TLE4: variants seen among roughly 807,000 people sequenced by gnomAD.
The protein encoded by TLE4 is transducin-like enhancer protein 4.
Under a neutral mutation model 92.8 loss-of-function variants are expected in TLE4, and 8 were observed. The ratio of observed to expected loss-of-function variants is 0.09; its 90% CI spans 0.05 to 0.16. The LOEUF (loss-of-function observed/expected upper bound fraction) is 0.16. Ranked by LOEUF, TLE4 falls within the 10% of genes least tolerant of loss-of-function variation. The pLI is 1.00. For missense variants in TLE4, 675 were observed against 997.6 expected (o/e 0.68, Z 4.36); for synonymous variants, 371 against 374.1 (o/e 0.99, Z 0.10).
intron 8 of TLE4, among the ~76,000 whole-genome samples, chr9:79,702,585 A>T (rs1321485972): frequency 6.6e-6 from 1 of 152,190 alleles, no homozygotes; most frequent in Non-Finnish European, 1.5e-5. Context: ...TTTGGCTCGT[A>T]ATGTTTTGTG....
chr9:79,722,155 C>G (rs2136272802), intron 17 of TLE4, among the ~76,000 whole-genome samples: 1 of 152,022 alleles, frequency 6.6e-6, no homozygotes, highest in African/African-American at 2.4e-5. Flanking sequence ...CAGAGCAAGA[C>G]TCTGTCTGAA....
At chr9:79,646,516 A>G (rs2058123673) in intron 6 of TLE4, among the ~76,000 whole-genome samples, 1 of 152,220 alleles carries the variant, frequency 6.6e-6, no homozygotes, top group Non-Finnish European at 1.5e-5. Flanking sequence ...TTATTTTAGC[A>G]GAGAAAAAGG....
chr9:79,682,429 C>T (rs1218533243), intron 8 of TLE4, among the ~76,000 whole-genome samples: 1 of 152,108 alleles, frequency 6.6e-6, no homozygotes, highest in African/African-American at 2.4e-5. Flanking sequence ...TTTCCAAGTC[C>T]AGCCTTGGAA....
At chr9:79,663,335 G>A (rs1453699953) in intron 8 of TLE4, 1 of 152,198 alleles carries the variant, frequency 6.6e-6, no homozygotes, top group African/African-American at 2.4e-5. Context: ...GTCACATGAA[G>A]CTATTTAAAG....
chr9:79,697,059 T>G (rs2068454290), intron 8 of TLE4, among the ~76,000 whole-genome samples: 1 of 152,116 alleles, frequency 6.6e-6, no homozygotes, highest in Non-Finnish European at 1.5e-5. Context: ...CTGAAAAAAA[T>G]AATTCCAGAA....
chr9:79,685,689 G>C (rs908266071), intron 8 of TLE4, among the ~76,000 whole-genome samples: 1 of 152,096 alleles, frequency 6.6e-6, no homozygotes, highest in African/African-American at 2.4e-5. Flanking sequence ...TAACTCATTT[G>C]GATTGAACAG....
Position 79,677,659 on chromosome 9 carries a change from C to T in TLE4, c.609+23584C>T, listed in dbSNP as rs3902071. Among the ~76,000 whole-genome samples, 1,117 of 121,134 alleles carry T rather than the reference C, an allele frequency of 9.2e-3. 5 individuals are homozygous for T. The highest frequency in any genetic ancestry group is 0.013 in the Non-Finnish European group (761 of 57,816). The allele number at this position is 121,134 out of a possible 152,430, so 79.5% of individuals were successfully genotyped here. On this transcript the variant is annotated intron_variant, in intron 8 of 19. Transcript: ENST00000376552. Reference sequence around the variant, plus strand: ...TTCTGCGTTTTGAATTGTGTATAATCTGAGATGGATTCAATTTTTTTTCTT... The same window carrying T: ...TTCTGCGTTTTGAATTGTGTATAATTTGAGATGGATTCAATTTTTTTTCTT...
At chr9:79,681,336 G>GT (rs1484979101) in intron 8 of TLE4, among the ~76,000 whole-genome samples, 2 of 151,976 alleles carry the variant, frequency 1.3e-5, no homozygotes, top group African/African-American at 2.4e-5. Flanking sequence ...ACGTTATTTT[G>GT]TTTTTTATGT....
At chr9:79,696,851 C>T (rs895029061) in intron 8 of TLE4, among the ~76,000 whole-genome samples, 5 of 152,116 alleles carry the variant, frequency 3.3e-5, no homozygotes, top group African/African-American at 4.8e-5. Flanking sequence ...AAAAACAGAG[C>T]ACAGTGCAGG....
chr9:79,618,610 A>T (rs1410999786), intron 5 of TLE4, among the ~76,000 whole-genome samples: 1 of 151,888 alleles, frequency 6.6e-6, no homozygotes, highest in African/African-American at 2.4e-5. Flanking sequence ...GCCAAGGAGG[A>T]TGGACATTTT....
At chr9:79,655,978 C>G (rs537947328) in intron 8 of TLE4, among the ~76,000 whole-genome samples, 1 of 152,178 alleles carries the variant, frequency 6.6e-6, no homozygotes, top group East Asian at 1.9e-4. Context: ...TCAGGGTGAG[C>G]CTGGAAATGA....
intron 8 of TLE4, among the ~76,000 whole-genome samples, chr9:79,691,089 T>G (rs1466146045): frequency 3.9e-5 from 6 of 152,174 alleles, no homozygotes; most frequent in Non-Finnish European, 8.8e-5. Flanking sequence ...TCCTAATGTC[T>G]CAGATTCATC....
intron 6 of TLE4, among the ~76,000 whole-genome samples, chr9:79,636,345 CTTTT>C (rs568402955): frequency 8.1e-4 from 124 of 152,226 alleles, no homozygotes; most frequent in African/African-American, 2.6e-3. Flanking sequence ...ATGGCTGCCC[CTTTT>C]ATTTAGAAAA....
chr9:79,600,096 A>T (rs1237007720), intron 4 of TLE4, among the ~76,000 whole-genome samples: 1 of 152,238 alleles, frequency 6.6e-6, no homozygotes, highest in African/African-American at 2.4e-5. Context: ...GCAGTAATGC[A>T]TTCGTGGTTT....
Position 79,709,671 on chromosome 9 carries a change from A to G in TLE4, c.1312A>G (p.Asn438Asp), listed in dbSNP as rs2072713783. The change falls in exon 14 of 20, where the codon AAC becomes GAC. Residue 438 changes from asparagine to aspartate, a missense_variant. Physicochemically the swap from Asn to Asp is conservative, Grantham distance 23. This residue lies in a region of TLE4 where 119 missense variants were observed against 175.9 expected (regional missense o/e 0.68). Transcript: ENST00000376552. ...CATGCGTGTGCCAGCAATACCTCCA[A>G]ACCTGACAGGCATTCCAGGAGGAAA... ...HHMRVPAIPP[N>D]LTGIPGGKPA... is the part of the protein sequence containing the mutation. 2 of 1,614,172 alleles carry G rather than the reference A, an allele frequency of 1.2e-6. No individual in the cohort carries two copies. Among genetic ancestry groups the G allele is most frequent in the Non-Finnish European group, 1.7e-6 (2 of 1,180,024 alleles).
chr9:79,708,458 A>T, intron 12 of TLE4, 135 bp from the exon 13 acceptor site: 1 of 1,117,558 alleles, frequency 8.9e-7, no homozygotes, highest in Non-Finnish European at 1.3e-6. Context: ...GTGAATTCTG[A>T]AGGCTTGAAT....
intron 4 of TLE4, among the ~76,000 whole-genome samples, chr9:79,606,150 C>T (rs1025116627): frequency 8.7e-5 from 9 of 102,970 alleles, no homozygotes; most frequent in African/African-American, 3.2e-4. Flanking sequence ...ATAATGTTAT[C>T]AACTTTGTTT....
rs527932458 is a variant in TLE4 at position 79,695,963 on chromosome 9, A to G, written c.610-8820A>G. ...TAGATGACACCTGCTACTTATATCA[A>G]GTGTGAGATGTTTGTCTTATTGGGT... is the stretch of plus-strand genomic sequence containing the variant. On this transcript the variant is annotated intron_variant, in intron 8 of 19. Transcript: ENST00000376552. Among the ~76,000 whole-genome samples the G allele has an allele frequency of 4.5e-4, 69 of 152,310 alleles. 1 individual carries two copies. The South Asian group carries it at 0.014, about 32-fold the overall frequency.
intron 4 of TLE4, among the ~76,000 whole-genome samples, chr9:79,593,643 AAAAG>A (rs1474726263): frequency 3.3e-5 from 5 of 152,224 alleles, no homozygotes; most frequent in African/African-American, 7.2e-5. Context: ...TTTAGAAAGC[AAAAG>A]AAAGAAACTC....
Sources: gnomAD v4.1 joint callset for allele counts (sites outside exome capture counted in the v4.1 genomes callset) on GRCh38, gnomAD v4.1.1 for gene constraint, gnomAD v4.1.1 regional missense constraint, MANE v1.5 for transcripts, NCBI Gene and HGNC (gene_info 2026-07-23, HGNC 2026-07-21) for gene names.